Variants in NFX1 observed in about 807,000 individuals in gnomAD.
NFX1 encodes nuclear transcription factor, X-box binding 1, also known as transcriptional repressor NF-X1.
A neutral mutation model predicts 137.2 loss-of-function variants in NFX1; 69 were observed. The observed-to-expected ratio is 0.50, with a 90% CI of 0.41 to 0.61. NFX1 has a LOEUF of 0.61. NFX1 is among the 20% of genes least tolerant of loss of function. The pLI, the probability that NFX1 is intolerant of heterozygous loss-of-function variation, is 0.00. For synonymous variants in NFX1, 495 were observed against 474.1 expected (o/e 1.04, Z -0.57); for missense variants, 1,167 against 1,391.0 (o/e 0.84, Z 2.56).
chr9:33,308,466 G>A (rs1354452958), intron 5 of NFX1, among the ~76,000 whole-genome samples: 1 of 152,006 alleles, frequency 6.6e-6, no homozygotes, highest in Non-Finnish European at 1.5e-5. Context: ...AAATAAATAA[G>A]TAGACTGTAT....
intron 14 of NFX1, 129 bp downstream of exon 14, chr9:33,344,317 G>C: frequency 7.5e-7 from 1 of 1,327,562 alleles, no homozygotes; most frequent in Non-Finnish European, 1.0e-6. Context: ...CTCAGGGGCT[G>C]GTTCTCTGAA....
chr9:33,351,576 C>G lies in NFX1; in HGVS notation c.2441C>G (p.Pro814Arg), dbSNP rs549324952. 1 of 1,614,202 alleles carries G rather than the reference C, an allele frequency of 6.2e-7. No homozygotes were observed. Among genetic ancestry groups the G allele is most frequent in the East Asian group, 2.2e-5 (1 of 44,892 alleles). Residue 814 changes from proline (P) to arginine (R), a missense_variant, in exon 16 of 24, where the codon CCC becomes CGC. Coordinates refer to ENST00000379540, the MANE Select transcript of NFX1 (RefSeq NM_002504.6). Reference protein sequence around the residue: ...MGKHEFRSNIPCHLVDISCGL... With the variant: ...MGKHEFRSNIRCHLVDISCGL... ...CTCTCCTAGTTTCGGAGCAACATCC[C>G]CTGTCACCTGGTTGATATCTCTTGC...
chr9:33,348,120 G>A (rs937095649), intron 15 of NFX1: 5 of 152,258 alleles, frequency 3.3e-5, no homozygotes, highest in African/African-American at 2.4e-5. Context: ...GGAGGCCAAG[G>A]CAGGTAGATT....
At chr9:33,360,063 C>T (rs1041232188) in intron 19 of NFX1, among the ~76,000 whole-genome samples, 3 of 152,156 alleles carry the variant, frequency 2.0e-5, no homozygotes, top group African/African-American at 7.2e-5. Flanking sequence ...GTTCAAAACC[C>T]TTGCCCTTTA....
chr9:33,313,323 T>C (rs1163987398), intron 6 of NFX1, among the ~76,000 whole-genome samples: 1 of 151,908 alleles, frequency 6.6e-6, no homozygotes, highest in Non-Finnish European at 1.5e-5. Context: ...GCGTGGTGGC[T>C]CAAGCCTGTA....
chr9:33,301,166 C>T, intron 2 of NFX1, 97 bp from the exon 3 acceptor site: 1 of 1,127,950 alleles, frequency 8.9e-7, no homozygotes, highest in Non-Finnish European at 1.3e-6. Context: ...TGTTTGGATT[C>T]TTCTCTTGAG....
At chr9:33,312,313 T>C (rs934016480) in intron 6 of NFX1, among the ~76,000 whole-genome samples, 6 of 152,260 alleles carry the variant, frequency 3.9e-5, no homozygotes, top group African/African-American at 1.2e-4. Context: ...ACCTCATTTT[T>C]CTTATAAAGT....
chr9:33,342,636 T>C lies in NFX1; in HGVS notation c.2116-110T>C, dbSNP rs1823269728. The C allele has an allele frequency of 6.5e-6, 5 of 766,088 alleles. No individual in the cohort carries two copies. The South Asian group carries it at 9.8e-5, about 15-fold the overall frequency. 47.5% of individuals were successfully genotyped at this position (766,088 alleles called of 1,614,324 possible). A position where few individuals can be genotyped will look rare whatever the true frequency, so the allele number is the denominator to read the frequency against. On this transcript the variant is annotated intron_variant, in intron 12 of 23. Transcript: ENST00000379540. Reference sequence around the variant, plus strand: ...GCTATTTTGAAGGTATTTCCAGATATCATTTTATCCATAAATGTGTAGAGC... The same window carrying C: ...GCTATTTTGAAGGTATTTCCAGATACCATTTTATCCATAAATGTGTAGAGC...
intron 19 of NFX1, among the ~76,000 whole-genome samples, chr9:33,363,228 A>G (rs1477550014): frequency 6.6e-6 from 1 of 151,078 alleles, no homozygotes. Flanking sequence ...TGAAGCAATG[A>G]CAATGGGTCA....
chr9:33,317,551 G>T (rs1054867765), intron 7 of NFX1, among the ~76,000 whole-genome samples: 14 of 148,458 alleles, frequency 9.4e-5, no homozygotes, highest in African/African-American at 3.2e-4. Flanking sequence ...AAAAATCAAG[G>T]CAGGCACAGT....
intron 1 of NFX1, 52 bp downstream of exon 1, chr9:33,290,649 G>A: frequency 6.4e-7 from 1 of 1,573,748 alleles, no homozygotes. Context: ...GCGGAAATTG[G>A]GTCAGTGACG....
intron 5 of NFX1, among the ~76,000 whole-genome samples, chr9:33,310,257 C>T (rs915078155): frequency 9.2e-5 from 14 of 152,192 alleles, no homozygotes; most frequent in African/African-American, 3.4e-4. Flanking sequence ...AGTCTTGGCT[C>T]TGATTGGCTT....
At position 33,303,224 on chromosome 9, in the gene NFX1, A is replaced by G. The variant is rs1430759216; in HGVS notation, c.1226A>G (p.Gln409Arg). The G allele has an allele frequency of 2.5e-6, 4 of 1,614,046 alleles. No individual in the cohort carries two copies. Among genetic ancestry groups the G allele is most frequent in the Non-Finnish European group, 2.5e-6 (3 of 1,180,024 alleles). Residue 409 changes from glutamine (Q) to arginine (R), a missense_variant, in exon 4 of 24, where the codon CAG (glutamine) becomes CGG (arginine). This residue lies in a region of NFX1 where 488 missense variants were observed against 691.5 expected (regional missense o/e 0.71). Transcript: ENST00000379540. ...GQSGWRCPAC[Q>R]NVSAHVPNTY... ...AGTGGTTGGAGGTGCCCTGCCTGTC[A>G]GAATGTTTCTGCACATGTTCCTAAT...
chr9:33,300,947 C>T (rs141943031), intron 2 of NFX1, among the ~76,000 whole-genome samples: 15 of 152,318 alleles, frequency 9.8e-5, no homozygotes, highest in Non-Finnish European at 1.6e-4. Context: ...AAAGCAAGAT[C>T]CTGTATTGCC....
At chr9:33,299,451 G>A (rs925516253) in intron 2 of NFX1, among the ~76,000 whole-genome samples, 3 of 152,072 alleles carry the variant, frequency 2.0e-5, no homozygotes, top group Non-Finnish European at 4.4e-5. Context: ...TTGGGAAACC[G>A]AGTCAAGAGG....
chr9:33,304,447 T>C (rs1364070659), intron 4 of NFX1, among the ~76,000 whole-genome samples: 1 of 152,194 alleles, frequency 6.6e-6, no homozygotes, highest in East Asian at 1.9e-4. Flanking sequence ...CTTATTTTTC[T>C]AACCAATTTG....
At chr9:33,349,360 T>C (rs539674978) in intron 15 of NFX1, among the ~76,000 whole-genome samples, 12 of 152,254 alleles carry the variant, frequency 7.9e-5, no homozygotes, top group East Asian at 1.9e-4. Flanking sequence ...TCCTAAAGGA[T>C]AGTGAGAAGA....
In NFX1 at chr9:33,311,146, A is replaced by G; in HGVS notation, c.1417A>G (p.Met473Val). 1 of 1,614,000 alleles carries G rather than the reference A, an allele frequency of 6.2e-7. No individual in the cohort carries two copies. The highest frequency in any genetic ancestry group is 1.3e-5 in the African/African-American group (1 of 75,024). The change falls in exon 6 of 24, where the codon ATG becomes GTG. Residue 473 changes from methionine (M) to valine (V), a missense_variant. Physicochemically the swap from Met to Val is conservative, Grantham distance 21. Around this residue, in one of 3 missense-constraint regions of NFX1, gnomAD observed 488 missense variants for 691.5 expected, o/e 0.71. Coordinates refer to ENST00000379540, the MANE Select transcript of NFX1 (RefSeq NM_002504.6). ...PGPCPPCPAF[M>V]TKTCECGRTR... ...ACCCTGCCCACCCTGCCCTGCCTTT[A>G]TGACAAAAACATGTGAATGTGGACG...
intron 11 of NFX1, among the ~76,000 whole-genome samples, chr9:33,335,095 G>A (rs74465802): frequency 6.6e-6 from 1 of 151,762 alleles, no homozygotes; most frequent in African/African-American, 2.4e-5. Flanking sequence ...TTTTTTTTTA[G>A]TTGAAATTCA....
Sources: allele counts gnomAD v4.1 joint callset (sites outside exome capture counted in the v4.1 genomes callset), GRCh38; gene constraint gnomAD v4.1.1; regional missense constraint gnomAD v4.1.1; transcripts MANE v1.5; gene names NCBI Gene and HGNC (gene_info 2026-07-23, HGNC 2026-07-21).